The following TMEFF2 variants were observed in gnomAD, a reference collection of about 807,000 sequenced individuals.
TMEFF2 encodes tomoregulin-2.
Under a neutral mutation model 53.8 loss-of-function variants are expected in TMEFF2, and 28 were observed. The observed-to-expected ratio is 0.52, with a 90% CI of 0.39 to 0.71. The LOEUF is 0.71. Ranked by LOEUF, TMEFF2 falls within the 30% of genes least tolerant of loss-of-function variation. The probability of loss-of-function intolerance (pLI) is 0.00; values close to 1 mark genes in which losing one functional copy is unlikely to be tolerated. For synonymous variants in TMEFF2, 162 were observed against 166.3 expected (o/e 0.97, Z 0.20); for missense variants, 353 against 455.2 (o/e 0.78, Z 2.04).
At chr2:191,989,218 T>G (rs1389366053) in intron 7 of TMEFF2, among the ~76,000 whole-genome samples, 1 of 152,166 alleles carries the variant, frequency 6.6e-6, no homozygotes, top group African/African-American at 2.4e-5. Context: ...ATGAAATGGC[T>G]TCCGTGAAAC....
At chr2:192,007,960 T>C (rs1210578014) in intron 5 of TMEFF2, among the ~76,000 whole-genome samples, 1 of 152,222 alleles carries the variant, frequency 6.6e-6, no homozygotes, top group Non-Finnish European at 1.5e-5. Flanking sequence ...GCTTTTTTCC[T>C]GATCTGTACT....
intron 4 of TMEFF2, among the ~76,000 whole-genome samples, chr2:192,132,216 G>A (rs924898274): frequency 1.3e-4 from 20 of 152,174 alleles, no homozygotes; most frequent in South Asian, 6.2e-4. Flanking sequence ...GTTTCGTTCT[G>A]TGACTAGCCC....
intron 4 of TMEFF2, among the ~76,000 whole-genome samples, chr2:192,137,942 A>AT (rs994243024): frequency 2.0e-5 from 3 of 151,836 alleles, no homozygotes; most frequent in African/African-American, 7.2e-5. Flanking sequence ...CACTCCTGTA[A>AT]TCCCCTCCTG....
chr2:192,153,307 T>A (rs958165019), intron 4 of TMEFF2, among the ~76,000 whole-genome samples: 11 of 151,934 alleles, frequency 7.2e-5, no homozygotes, highest in African/African-American at 2.7e-4. Flanking sequence ...TGGTATTTTT[T>A]TAAAAATTAT....
At chr2:192,181,165 A>G (rs990244750) in intron 3 of TMEFF2, among the ~76,000 whole-genome samples, 2 of 151,798 alleles carry the variant, frequency 1.3e-5, no homozygotes, top group Non-Finnish European at 2.9e-5. Flanking sequence ...ACTGACTGTC[A>G]TAAGTCACAA....
chr2:192,054,978 G>A (rs1320566306), intron 5 of TMEFF2, among the ~76,000 whole-genome samples: 1 of 62,918 alleles, frequency 1.6e-5, no homozygotes, highest in Admixed American at 1.6e-4. Flanking sequence ...TGTCTTAAAT[G>A]TCTTGGAGAA....
chr2:191,985,823 A>G (rs963910732), intron 7 of TMEFF2, among the ~76,000 whole-genome samples: 1 of 152,208 alleles, frequency 6.6e-6, no homozygotes, highest in African/African-American at 2.4e-5. Context: ...TGCAAGACCA[A>G]TAACTTTATT....
At chr2:192,056,184 C>G (rs537924836) in intron 5 of TMEFF2, among the ~76,000 whole-genome samples, 1 of 152,176 alleles carries the variant, frequency 6.6e-6, no homozygotes, top group East Asian at 1.9e-4. Flanking sequence ...TGGTTAACTG[C>G]TCTAGGCAAG....
At chr2:191,958,142 G>A (rs1455994279) in intron 7 of TMEFF2, among the ~76,000 whole-genome samples, 4 of 152,278 alleles carry the variant, frequency 2.6e-5, no homozygotes, top group Middle Eastern at 3.4e-3. Context: ...AGGGCCGGGG[G>A]CTACACACTA....
At chr2:192,105,949 A>T (rs1420897780) in intron 4 of TMEFF2, among the ~76,000 whole-genome samples, 1 of 151,902 alleles carries the variant, frequency 6.6e-6, no homozygotes, top group Non-Finnish European at 1.5e-5. Flanking sequence ...AATTGGCAAT[A>T]AAAAATGTTT....
At chr2:191,952,301 A>T (rs1456657899) in intron 9 of TMEFF2, among the ~76,000 whole-genome samples, 1 of 152,216 alleles carries the variant, frequency 6.6e-6, no homozygotes, top group Non-Finnish European at 1.5e-5. Context: ...GTGATTCATA[A>T]CAGAATTGAA....
chr2:191,949,429 T>A lies in TMEFF2; in HGVS notation c.*882A>T. The stretch of plus-strand genomic sequence containing the variant: ...ATTCTAACTTCTTTTCAAAGAACTA[T>A]ATACTATACATATTGTATGGTGCTT... On this transcript the variant is annotated 3_prime_UTR_variant, in exon 10 of 10. Transcript: ENST00000272771. The A allele has an allele frequency of 3.0e-6, 3 of 985,450 alleles. No individual in the cohort carries two copies. The highest frequency in any genetic ancestry group is 3.6e-6 in the Non-Finnish European group (3 of 829,908). 61.0% of individuals were successfully genotyped at this position (985,450 alleles called of 1,614,324 possible). A position where few individuals can be genotyped will look rare whatever the true frequency, so the allele number is the denominator to read the frequency against.
At chr2:192,055,631 C>T (rs1434049062) in intron 5 of TMEFF2, among the ~76,000 whole-genome samples, 5 of 151,722 alleles carry the variant, frequency 3.3e-5, no homozygotes, top group East Asian at 3.9e-4. Flanking sequence ...AAAAATTAGC[C>T]GGGCATGGTG....
intron 7 of TMEFF2, among the ~76,000 whole-genome samples, chr2:191,975,382 T>C (rs539662378): frequency 7.3e-6 from 1 of 136,306 alleles, no homozygotes; most frequent in African/African-American, 2.5e-5. Context: ...ATTAACAATC[T>C]CTTGTAGTAA....
chr2:192,043,350 C>A (rs1687531540), intron 5 of TMEFF2, among the ~76,000 whole-genome samples: 1 of 152,096 alleles, frequency 6.6e-6, no homozygotes, highest in Non-Finnish European at 1.5e-5. Flanking sequence ...AAGGGGAGGT[C>A]AGGTCCCCTT....
chr2:192,148,425 A>G (rs966230073), intron 4 of TMEFF2, among the ~76,000 whole-genome samples: 1 of 151,954 alleles, frequency 6.6e-6, no homozygotes, highest in Admixed American at 6.6e-5. Context: ...CTGTTCCCCT[A>G]GGTTTGCATT....
At chr2:191,975,572 C>A (rs1031489726) in intron 7 of TMEFF2, among the ~76,000 whole-genome samples, 2 of 151,802 alleles carry the variant, frequency 1.3e-5, no homozygotes, top group African/African-American at 4.8e-5. Context: ...CAGGAATGGG[C>A]TAATTGCCTT....
chr2:192,090,728 G>A (rs535883020), intron 4 of TMEFF2, among the ~76,000 whole-genome samples: 42 of 152,226 alleles, frequency 2.8e-4, no homozygotes, highest in East Asian at 3.9e-4. Flanking sequence ...TTAGTACAGC[G>A]TTAATCAATT....
chr2:192,164,052 C>G (rs1574426940), intron 4 of TMEFF2, among the ~76,000 whole-genome samples: 1 of 152,116 alleles, frequency 6.6e-6, no homozygotes, highest in East Asian at 1.9e-4. Context: ...TTCTTTGCAC[C>G]TACTCTTGCC....
Sources: gnomAD v4.1 joint callset for allele counts (sites outside exome capture counted in the v4.1 genomes callset) on GRCh38, gnomAD v4.1.1 for gene constraint, MANE v1.5 for transcripts, NCBI Gene and HGNC (gene_info 2026-07-23, HGNC 2026-07-21) for gene names.